TECTB: variants seen among roughly 807,000 people sequenced by gnomAD.
The protein encoded by TECTB is beta-tectorin.
TECTB carries 45 observed loss-of-function variants against 43.3 expected under a neutral mutation model. That is an observed-to-expected ratio of 1.04 (90% CI 0.82 to 1.33). The LOEUF (loss-of-function observed/expected upper bound fraction) is 1.33. Among genes scored for constraint, TECTB ranks in the 40% most tolerant of loss-of-function variants. The probability of loss-of-function intolerance (pLI) is 0.00; values close to 1 mark genes in which losing one functional copy is unlikely to be tolerated. For missense variants in TECTB, 399 were observed against 404.7 expected, an observed-to-expected ratio of 0.99 and a Z score of 0.12; for synonymous variants, 169 against 156.7, an observed-to-expected ratio of 1.08 and a Z score of -0.59.
intron 5 of TECTB, among the ~76,000 whole-genome samples, chr10:112,293,524 A>G (rs114038217): frequency 1.2e-3 from 181 of 152,322 alleles, no homozygotes; most frequent in African/African-American, 4.3e-3. Flanking sequence ...CAAATCTAGA[A>G]TACGTGATTA....
intron 5 of TECTB, among the ~76,000 whole-genome samples, chr10:112,292,590 C>G (rs921127909): frequency 4.6e-5 from 7 of 151,946 alleles, no homozygotes; most frequent in African/African-American, 1.7e-4. Context: ...ACTACAGATG[C>G]CTGCCACCAC....
intron 9 of TECTB, among the ~76,000 whole-genome samples, chr10:112,299,869 G>C (rs1848582803): frequency 6.6e-6 from 1 of 151,982 alleles, no homozygotes; most frequent in African/African-American, 2.4e-5. Context: ...AATAGAAAAT[G>C]AGATGTCATG....
intron 5 of TECTB, among the ~76,000 whole-genome samples, chr10:112,287,540 G>T (rs1848464823): frequency 1.3e-5 from 2 of 152,210 alleles, no homozygotes; most frequent in African/African-American, 4.8e-5. Flanking sequence ...GAGAAACATC[G>T]TACTACCTCT....
At position 112,304,457 on chromosome 10, in the gene TECTB, T is replaced by A. The variant is rs954009147; in HGVS notation, c.*1145T>A. Reference sequence around the variant, plus strand: ...TCCAGAATATGCCCATATAAATGATTTACATTGTCAACAAAATACAAACTG... The same window carrying A: ...TCCAGAATATGCCCATATAAATGATATACATTGTCAACAAAATACAAACTG... On this transcript the variant is annotated 3_prime_UTR_variant, in exon 11 of 11. Transcript: ENST00000646139. The A allele has an allele frequency of 2.6e-5, 4 of 152,222 alleles. No individual in the cohort carries two copies. Among genetic ancestry groups the A allele is most frequent in the Non-Finnish European group, 5.9e-5 (4 of 68,038 alleles). The allele number at this position is 152,222 out of a possible 1,614,324, so 9.4% of individuals were successfully genotyped here.
chr10:112,304,158 C>G lies in TECTB; in HGVS notation c.*846C>G, dbSNP rs1157432852. 2 of 152,166 alleles carry G rather than the reference C, an allele frequency of 1.3e-5. No homozygotes were observed. Among genetic ancestry groups the G allele is most frequent in the Admixed American group, 6.5e-5 (1 of 15,276 alleles). The allele number at this position is 152,166 out of a possible 1,614,324, so 9.4% of individuals were successfully genotyped here. A position where few individuals can be genotyped will look rare whatever the true frequency, so the allele number is the denominator to read the frequency against. On this transcript the variant is annotated 3_prime_UTR_variant, in exon 11 of 11. Transcript: ENST00000646139. Reference sequence around the variant, plus strand: ...TGACTATAAAGTGACTCCAATGACACAAGTGCTGTGAGTTTGGTGACCCAA... The same window carrying G: ...TGACTATAAAGTGACTCCAATGACAGAAGTGCTGTGAGTTTGGTGACCCAA...
Position 112,304,791 on chromosome 10 carries a change from A to G in TECTB, c.*1479A>G, listed in dbSNP as rs1371524453. On this transcript the variant is annotated 3_prime_UTR_variant, in exon 11 of 11. Transcript: ENST00000646139. The stretch of plus-strand genomic sequence containing the variant: ...GGTCTAGACTTGGTCTCTAAGCTGG[A>G]GTTCCAACGAGTTTAGGATCTCTTC... 2 of 152,244 alleles carry G rather than the reference A, an allele frequency of 1.3e-5. No homozygotes were observed. Among genetic ancestry groups the G allele is most frequent in the African/African-American group, 4.8e-5 (2 of 41,474 alleles). 9.4% of individuals were successfully genotyped at this position (152,244 alleles called of 1,614,324 possible). A position where few individuals can be genotyped will look rare whatever the true frequency, so the allele number is the denominator to read the frequency against.
At chr10:112,299,805 C>A (rs965163405) in intron 9 of TECTB, 3 of 500,062 alleles carry the variant, frequency 6.0e-6, no homozygotes, top group Non-Finnish European at 1.1e-5. Flanking sequence ...TCAAATACCC[C>A]CAAAGAATCA....
At chr10:112,292,425 A>G (rs1291833615) in intron 5 of TECTB, among the ~76,000 whole-genome samples, 1 of 151,860 alleles carries the variant, frequency 6.6e-6, no homozygotes, top group Non-Finnish European at 1.5e-5. Context: ...CCCAGTGTTT[A>G]GTTTTTGAGG....
intron 2 of TECTB, 56 bp from the exon 3 acceptor site, chr10:112,284,479 C>T (rs1332540063): frequency 1.6e-5 from 24 of 1,461,430 alleles, no homozygotes; most frequent in South Asian, 3.1e-5. Context: ...CTGTTCGTTA[C>T]GTAGGTTAGC....
chr10:112,293,662 C>T (rs1332429554), intron 5 of TECTB, 76 bp from the exon 6 acceptor site: 1 of 1,328,592 alleles, frequency 7.5e-7, no homozygotes, highest in Non-Finnish European at 1.1e-6. Flanking sequence ...CACCCCATCC[C>T]AATTCATCTG....
chr10:112,294,614 A>G (rs1384059042), intron 7 of TECTB, among the ~76,000 whole-genome samples: 5 of 152,232 alleles, frequency 3.3e-5, no homozygotes, highest in Non-Finnish European at 7.3e-5. Flanking sequence ...AATTTGGAGT[A>G]AAGCACTAAA....
At chr10:112,286,924 A>G (rs1287391234) in intron 5 of TECTB, among the ~76,000 whole-genome samples, 1 of 152,210 alleles carries the variant, frequency 6.6e-6, no homozygotes, top group Admixed American at 6.5e-5. Context: ...CTCCATCTCA[A>G]AAAACAAAAA....
intron 7 of TECTB, among the ~76,000 whole-genome samples, chr10:112,295,120 A>G (rs1174062003): frequency 6.6e-6 from 1 of 152,272 alleles, no homozygotes; most frequent in Non-Finnish European, 1.5e-5. Context: ...CATCATACAC[A>G]TAATTAGCAG....
rs779949483 is a variant in TECTB at position 112,298,180 on chromosome 10, G to A, written c.783G>A (p.Trp261Ter). The A allele has an allele frequency of 5.0e-6, 8 of 1,614,096 alleles. No individual in the cohort carries two copies. In the South Asian group the frequency reaches 7.7e-5, roughly 16 times the overall value. ...FQNIPKLSKV[W>*]LHCETFICDS... ...ACATCCCCAAACTCTCCAAGGTGTGGTTACACTGTGAGACGTTCATCTGCG... is the reference window on the plus strand; with the variant it reads ...ACATCCCCAAACTCTCCAAGGTGTGATTACACTGTGAGACGTTCATCTGCG... Residue 261 changes from tryptophan to a stop codon, truncating the protein, a stop_gained, in exon 8 of 11, where the codon TGG (tryptophan) becomes TGA (stop). Coordinates refer to ENST00000646139, the MANE Select transcript of TECTB (RefSeq NM_058222.3). LOFTEE classifies it high-confidence loss of function.
rs760256460 is a variant in TECTB, at chr10:112,298,127, T to G, written c.730T>G (p.Phe244Val). ...GAATGGGAGAGATCACAGGGCAACC[T>G]TCCAATTCAATGCTTTCCGGTTCCA... ...HENGRDHRAT[F>V]QFNAFRFQNI... Residue 244 changes from phenylalanine to valine, a missense_variant, in exon 8 of 11, where the codon TTC becomes GTC. Transcript: ENST00000646139. The G allele has an allele frequency of 2.5e-6, 4 of 1,614,210 alleles. No homozygotes were observed. Among genetic ancestry groups the G allele is most frequent in the Non-Finnish European group, 3.4e-6 (4 of 1,180,036 alleles).
rs760952965 is a variant in TECTB, at chr10:112,294,424, G to A, written c.671+363G>A. 8.5e-5 allele frequency among the ~76,000 whole-genome samples: 13 copies of A among 152,286 alleles called. No individual in the cohort carries two copies. The South Asian group carries it at 1.0e-3, about 12-fold the overall frequency. On this transcript the variant is annotated intron_variant, in intron 7 of 10. Coordinates refer to ENST00000646139, the MANE Select transcript of TECTB (RefSeq NM_058222.3). ...TGTGTGCATGTGTGTATGTGTGCAA[G>A]AGGAAGTGTGCAGGCTGAATTCAAA...
chr10:112,302,880 A>G (rs1384829214), intron 10 of TECTB: 2 of 202,578 alleles, frequency 9.9e-6, no homozygotes, highest in Non-Finnish European at 2.0e-5. Flanking sequence ...AAGCAACTAC[A>G]TGAGGAGATG....
intron 9 of TECTB, among the ~76,000 whole-genome samples, chr10:112,300,209 A>G (rs1848587144): frequency 2.0e-5 from 2 of 100,768 alleles, no homozygotes; most frequent in Non-Finnish European, 4.1e-5. Context: ...AAAGAGAGAC[A>G]GACAGACAGA....
chr10:112,301,366 TA>T (rs1475774371), intron 9 of TECTB, among the ~76,000 whole-genome samples: 1 of 148,728 alleles, frequency 6.7e-6, no homozygotes, highest in Non-Finnish European at 1.5e-5. Context: ...GAGATCACGC[TA>T]CTACACTCTA....
Sources: gnomAD v4.1 joint callset for allele counts (sites outside exome capture counted in the v4.1 genomes callset) on GRCh38, gnomAD v4.1.1 for gene constraint, MANE v1.5 for transcripts, NCBI Gene and HGNC (gene_info 2026-07-23, HGNC 2026-07-21) for gene names.